The following DYSF variants were observed in gnomAD, a reference collection of about 807,000 sequenced individuals.
DYSF encodes the protein dystrophy-associated fer-1-like 1.
Under a neutral mutation model 274.9 loss-of-function variants are expected in DYSF, and 212 were observed. That is an observed-to-expected ratio of 0.77 (90% confidence interval 0.69 to 0.86). The LOEUF is 0.86. Ranked by LOEUF, DYSF falls within the 40% of genes least tolerant of loss-of-function variation. DYSF has a pLI of 0.00. For missense variants in DYSF, 2,666 were observed against 2,783.2 expected (o/e 0.96, Z 0.95); for synonymous variants, 1,091 against 1,078.7 (o/e 1.01, Z -0.22).
intron 3 of DYSF, among the ~76,000 whole-genome samples, chr2:71,496,793 C>T (rs546308970): frequency 4.3e-4 from 65 of 152,218 alleles, no homozygotes; most frequent in African/African-American, 1.5e-3. Flanking sequence ...ATCAGAAATA[C>T]AAAAAACATA....
chr2:71,680,205 C>G (rs2095279259), intron 53 of DYSF, among the ~76,000 whole-genome samples: 2 of 152,134 alleles, frequency 1.3e-5, no homozygotes, highest in Non-Finnish European at 2.9e-5. Context: ...CCACGGGTAG[C>G]TGAAACCCTA....
chr2:71,579,400 T>C (rs186685391), intron 30 of DYSF, among the ~76,000 whole-genome samples: 40 of 152,300 alleles, frequency 2.6e-4, no homozygotes, highest in African/African-American at 8.9e-4. Flanking sequence ...GAAGAAACTT[T>C]CATTTTCTAA....
intron 42 of DYSF, among the ~76,000 whole-genome samples, chr2:71,653,201 C>A (rs2094698126): frequency 6.6e-6 from 1 of 152,150 alleles, no homozygotes; most frequent in South Asian, 2.1e-4. Flanking sequence ...AACACTTTTA[C>A]ACTGTTGGTG....
intron 1 of DYSF, among the ~76,000 whole-genome samples, chr2:71,469,977 G>A (rs893316009): frequency 6.6e-6 from 1 of 152,220 alleles, no homozygotes; most frequent in African/African-American, 2.4e-5. Flanking sequence ...TACGTGCCTG[G>A]TGCTTTTCTA....
intron 44 of DYSF, 108 bp downstream of exon 44, chr2:71,659,141 A>C: frequency 7.0e-7 from 1 of 1,438,740 alleles, no homozygotes; most frequent in South Asian, 1.2e-5. Flanking sequence ...GTAGGTTGGG[A>C]AACAGACAAA....
intron 36 of DYSF, among the ~76,000 whole-genome samples, chr2:71,608,902 CAG>C (rs1179010786): frequency 4.0e-5 from 6 of 151,220 alleles, no homozygotes; most frequent in South Asian, 2.1e-4. Flanking sequence ...CCACTCCACT[CAG>C]GGGATCCTGG....
chr2:71,532,992 C>T (rs1281170470), intron 14 of DYSF, among the ~76,000 whole-genome samples: 1 of 152,168 alleles, frequency 6.6e-6, no homozygotes, highest in Non-Finnish European at 1.5e-5. Flanking sequence ...TTTTGTGATG[C>T]ACGTGTAAGC....
chr2:71,663,045 G>GTGTGTATGTCTGTGTC (rs2094928822), intron 45 of DYSF, among the ~76,000 whole-genome samples: 1 of 143,208 alleles, frequency 7.0e-6, no homozygotes, highest in Non-Finnish European at 1.6e-5. Context: ...GTGTGTGCGC[G>GTGTGTATGTCTGTGTC]CACGCGCGTG....
rs775544808 is a variant in DYSF, at chr2:71,513,855, G to A, written c.693G>A (p.Gly231=). Residue 231 remains glycine, a synonymous_variant, in exon 7 of 56, where the codon GGG becomes GGA. Coordinates refer to ENST00000410020, the MANE Select transcript of DYSF (RefSeq NM_001130987.2). ...CACGTCCTCCGCCCCACTACCCCGG[G>A]ATCAAAAGAAAGCGAAGTGCGCCTA... The part of the protein sequence containing the change: ...LPSRPPPHYP[G]IKRKRSAPTS... 1 of 1,614,206 alleles carries A rather than the reference G, an allele frequency of 6.2e-7. No homozygotes were observed. The highest frequency in any genetic ancestry group is 1.7e-5 in the Admixed American group (1 of 60,024).
chr2:71,553,418 C>T (rs2091102606), intron 20 of DYSF, among the ~76,000 whole-genome samples: 1 of 152,186 alleles, frequency 6.6e-6, no homozygotes. Flanking sequence ...TTGACCCTGA[C>T]CCATCCTGAT....
chr2:71,524,766 T>C (rs1348537724), intron 12 of DYSF, among the ~76,000 whole-genome samples: 2 of 152,262 alleles, frequency 1.3e-5, no homozygotes, highest in African/African-American at 2.4e-5. Context: ...TCTGGATGCC[T>C]CCACCTGTTG....
chr2:71,640,075 A>G (rs2094464116), intron 41 of DYSF, among the ~76,000 whole-genome samples: 2 of 152,196 alleles, frequency 1.3e-5, no homozygotes, highest in Admixed American at 6.5e-5. Flanking sequence ...TAGTGACCCA[A>G]TGTCACACCA....
At chr2:71,553,301 C>T in intron 20 of DYSF, 113 bp downstream of exon 20, 2 of 1,477,230 alleles carry the variant, frequency 1.4e-6, no homozygotes, top group Non-Finnish European at 1.9e-6. Context: ...AGGCCCTGGT[C>T]CTGGCCCTGG....
Position 71,535,040 on chromosome 2 carries a change from A to T in DYSF, c.1400A>T (p.Glu467Val). 1 of 1,614,100 alleles carries T rather than the reference A, an allele frequency of 6.2e-7. No individual in the cohort carries two copies. Among genetic ancestry groups the T allele is most frequent in the Non-Finnish European group, 8.5e-7 (1 of 1,180,008 alleles). The change falls in exon 15 of 56, where the codon GAG becomes GTG. Residue 467 changes from glutamate (E) to valine (V), a missense_variant. Physicochemically the swap from Glu to Val is moderately radical, Grantham distance 121. Coordinates refer to ENST00000410020, the MANE Select transcript of DYSF (RefSeq NM_001130987.2). ...TTCTAGCTGTGCAGCAAGATCTTGGAGAAGACGGCCAACCCTCAGTGGAAC... is the reference window on the plus strand; with the variant it reads ...TTCTAGCTGTGCAGCAAGATCTTGGTGAAGACGGCCAACCCTCAGTGGAAC... ...AGKMLCSKIL[E>V]KTANPQWNQN...
chr2:71,555,853 A>G, intron 21 of DYSF, 112 bp from the exon 22 acceptor site: 1 of 848,736 alleles, frequency 1.2e-6, no homozygotes, highest in Non-Finnish European at 2.0e-6. Context: ...TCTTTGCTCT[A>G]ACTGTTCACT....
chr2:71,570,456 G>A, intron 28 of DYSF, 122 bp downstream of exon 28: 1 of 1,406,882 alleles, frequency 7.1e-7, no homozygotes, highest in Non-Finnish European at 9.9e-7. Flanking sequence ...CTTCTTGAAG[G>A]CACCCCCCAC....
intron 17 of DYSF, among the ~76,000 whole-genome samples, chr2:71,542,579 T>C (rs969839818): frequency 6.6e-6 from 1 of 152,162 alleles, no homozygotes; most frequent in African/African-American, 2.4e-5. Flanking sequence ...ATGACTCTTA[T>C]GGAGCATGCT....
rs34707417 is a variant in DYSF, at chr2:71,481,680, T to G, written c.148-199T>G. 0.31 allele frequency among the ~76,000 whole-genome samples: 45,268 copies of G among 148,030 alleles called. 7,443 individuals carry two copies. Among genetic ancestry groups the G allele is most frequent in the East Asian group, 0.63 (3,155 of 5,006 alleles). ...ATACTGTCACCTCTGAATTTCTGGA[T>G]CTGTGGTCTTCATCTATCCATCCAT... is the stretch of plus-strand genomic sequence containing the variant. On this transcript the variant is annotated intron_variant, in intron 2 of 55. Transcript: ENST00000410020.
chr2:71,573,727 G>A (rs531129177), intron 29 of DYSF, among the ~76,000 whole-genome samples: 59 of 152,266 alleles, frequency 3.9e-4, no homozygotes, highest in African/African-American at 1.1e-3. Context: ...CAGTGTTTTC[G>A]TCACTGCGTC....
Sources: gnomAD v4.1 joint callset for allele counts (sites outside exome capture counted in the v4.1 genomes callset) on GRCh38, gnomAD v4.1.1 for gene constraint, MANE v1.5 for transcripts, NCBI Gene and HGNC (gene_info 2026-07-23, HGNC 2026-07-21) for gene names.